MYL2: variants seen among roughly 807,000 people sequenced by gnomAD.
MYL2 encodes the protein myosin light chain 2, also known as myosin regulatory light chain 2, ventricular/cardiac muscle isoform.
Under a neutral mutation model 23.0 loss-of-function variants are expected in MYL2, and 19 were observed. The observed-to-expected ratio is 0.83, with a 90% CI of 0.58 to 1.21. MYL2 has a LOEUF of 1.21. MYL2 is among the 50% of genes most tolerant of loss of function. MYL2 has a pLI of 0.00. For synonymous variants in MYL2, 78 were observed against 76.2 expected (o/e 1.02, Z -0.13); for missense variants, 180 against 215.1 (o/e 0.84, Z 1.02).
At position 110,914,177 on chromosome 12, in the gene MYL2, C is replaced by CAT. The variant is rs572538551; in HGVS notation, c.274+8_274+9insAT. 2.4e-5 allele frequency: 39 copies of CAT among 1,599,588 alleles called. No individual in the cohort carries two copies. The South Asian group carries it at 3.1e-4, about 13-fold the overall frequency. On this transcript the variant is annotated intron_variant, in intron 4 of 6. Coordinates refer to ENST00000228841, the MANE Select transcript of MYL2 (RefSeq NM_000432.4). ...ACACACAGACACACACACACACACACGACCTTACCCTTAAGTTTCTCCCCA... is the reference window on the plus strand; with the variant it reads ...ACACACAGACACACACACACACACACATGACCTTACCCTTAAGTTTCTCCCCA...
Position 110,916,563 on chromosome 12 carries a change from A to G in MYL2, c.94-773T>C, listed in dbSNP as rs75138247. Among the ~76,000 whole-genome samples the G allele has an allele frequency of 1.0e-3, 154 of 152,372 alleles. 1 individual carries two copies. The East Asian group carries it at 0.028, about 28-fold the overall frequency. On this transcript the variant is annotated intron_variant, in intron 2 of 6. Coordinates refer to ENST00000228841, the MANE Select transcript of MYL2 (RefSeq NM_000432.4). ...AAAACATCAGTGAAAGAAGCCAGAC[A>G]CAAATACCACATATTGTATGATTCA...
chr12:110,916,371 A>G (rs1322777408), intron 2 of MYL2, among the ~76,000 whole-genome samples: 1 of 152,188 alleles, frequency 6.6e-6, no homozygotes, highest in African/African-American at 2.4e-5. Context: ...ACCTGAACAC[A>G]AATGTGTATA....
upstream of MYL2, chr12:110,920,685 C>G: frequency 9.5e-7 from 1 of 1,056,524 alleles, no homozygotes; most frequent in Non-Finnish European, 1.4e-6. Flanking sequence ...CCTAAGGCCC[C>G]CCCACCCCAT....
intron 6 of MYL2, among the ~76,000 whole-genome samples, chr12:110,912,080 C>G (rs1482787632): frequency 6.6e-6 from 1 of 152,128 alleles, no homozygotes; most frequent in East Asian, 1.9e-4. Context: ...GCCCTTTTAG[C>G]TGCTTGAATT....
chr12:110,920,114 C>G (rs1432368242), intron 1 of MYL2, among the ~76,000 whole-genome samples: 1 of 152,244 alleles, frequency 6.6e-6, no homozygotes, highest in Non-Finnish European at 1.5e-5. Context: ...CCTAACCCAA[C>G]AGCACAGAAA....
At chr12:110,915,155 G>A (rs554214729) in intron 3 of MYL2, among the ~76,000 whole-genome samples, 126 of 152,322 alleles carry the variant, frequency 8.3e-4, no homozygotes, top group Middle Eastern at 3.4e-3. Context: ...TGTGCAGTGC[G>A]CAGTCTGCAC....
At chr12:110,915,877 G>T in intron 2 of MYL2, 87 bp from the exon 3 acceptor site, 1 of 1,031,370 alleles carries the variant, frequency 9.7e-7, no homozygotes, top group Non-Finnish European at 1.5e-6. Flanking sequence ...GGCAGGAGTG[G>T]ATTCTGGGAT....
At chr12:110,912,198 A>G (rs1292815687) in intron 6 of MYL2, among the ~76,000 whole-genome samples, 1 of 152,202 alleles carries the variant, frequency 6.6e-6, no homozygotes, top group Non-Finnish European at 1.5e-5. Flanking sequence ...ATTAAGGTTC[A>G]CTAATAAGGT....
chr12:110,912,973 AGAC>A (rs1860355763), intron 6 of MYL2, 120 bp downstream of exon 6: 1 of 1,107,456 alleles, frequency 9.0e-7, no homozygotes, highest in South Asian at 1.2e-5. Context: ...AGGCCTCAGA[AGAC>A]GATAGCTGGT....
intron 4 of MYL2, among the ~76,000 whole-genome samples, chr12:110,913,576 T>TGTGGCCTCAGACAAGG (rs1367897156): frequency 1.3e-5 from 2 of 152,226 alleles, no homozygotes; most frequent in Non-Finnish European, 2.9e-5. Flanking sequence ...TTGCTAGCCA[T>TGTGGCCTCAGACAAGG]GTGGCCTCAG....
chr12:110,911,578 C>T (rs563139191), intron 6 of MYL2, among the ~76,000 whole-genome samples: 155 of 152,196 alleles, frequency 1.0e-3, no homozygotes, highest in Non-Finnish European at 1.9e-3. Context: ...CTTTCTTGCC[C>T]TTCCCTGTTC....
rs528265923 is a variant in MYL2, at chr12:110,918,703, C to T, written c.93+401G>A. The T allele has an allele frequency of 1.5e-4, 25 of 166,274 alleles. No homozygotes were observed. The highest frequency in any genetic ancestry group is 2.5e-4 in the Non-Finnish European group (19 of 76,966). 10.3% of individuals were successfully genotyped at this position (166,274 alleles called of 1,614,324 possible). On this transcript the variant is annotated intron_variant, in intron 2 of 6. Coordinates refer to ENST00000228841, the MANE Select transcript of MYL2 (RefSeq NM_000432.4). This position sits in a 1 kb window ranked among gnomAD's most constrained non-coding sequence, Gnocchi z 4.4. ...GAAATGTTAATGGTGAATTTCTCAACGAAAAAAATGCAGGTGTAATCAGTG... is the reference window on the plus strand; with the variant it reads ...GAAATGTTAATGGTGAATTTCTCAATGAAAAAAATGCAGGTGTAATCAGTG...
At chr12:110,915,843 C>T (rs2071684954) in intron 2 of MYL2, 53 bp from the exon 3 acceptor site, 4 of 1,514,418 alleles carry the variant, frequency 2.6e-6, no homozygotes, top group Non-Finnish European at 3.7e-6. Flanking sequence ...GGCAGAGTTG[C>T]CCAAGAGATT....
intron 3 of MYL2, among the ~76,000 whole-genome samples, chr12:110,915,154 C>A (rs76794936): frequency 6.6e-6 from 1 of 152,166 alleles, no homozygotes; most frequent in Non-Finnish European, 1.5e-5. Flanking sequence ...TTGTGCAGTG[C>A]GCAGTCTGCA....
upstream of MYL2, chr12:110,920,654 T>G (rs1057092762): frequency 1.9e-5 from 28 of 1,479,928 alleles, 1 homozygote; most frequent in South Asian, 3.1e-4. Context: ...CTTTTGGCAG[T>G]CATAGGTGAG....
chr12:110,913,648 G>T (rs1025708307), intron 4 of MYL2, among the ~76,000 whole-genome samples: 5 of 152,248 alleles, frequency 3.3e-5, no homozygotes, highest in Admixed American at 3.3e-4. Context: ...TAAGAATAGA[G>T]CATACCTCCT....
Position 110,913,317 on chromosome 12 carries a change from G to T in MYL2, c.282C>A (p.Asp94Glu). 6.2e-7 allele frequency: 1 copy of T among 1,614,204 alleles called. No homozygotes were observed. Among genetic ancestry groups the T allele is most frequent in the Non-Finnish European group, 8.5e-7 (1 of 1,180,038 alleles). ...TMFGEKLKGA[D>E]PEETILNAFK... ...ATGCGTTGAGAATGGTTTCCTCAGG[G>T]TCCGCTCCTGAAACGGAACACAGGG... Residue 94 changes from aspartate (D) to glutamate (E), a missense_variant, in exon 5 of 7, where the codon GAC becomes GAA. Transcript: ENST00000228841.
rs2071684316 is a variant in MYL2 at position 110,915,776 on chromosome 12, C to A, written c.108G>T (p.Met36Ile). 6.2e-7 allele frequency: 1 copy of A among 1,614,036 alleles called. No individual in the cohort carries two copies. The highest frequency in any genetic ancestry group is 1.3e-5 in the African/African-American group (1 of 74,928). ...CAATGAAGCCATCCCTGTTCTGGTC[C>A]ATGATAGTGAAGGCCTGTGGAAGGG... ...IQEFKEAFTI[M>I]DQNRDGFIDK... Residue 36 changes from methionine (M) to isoleucine (I), a missense_variant, in exon 3 of 7, where the codon ATG (methionine) becomes ATT (isoleucine). Met to Ile is a conservative substitution (Grantham distance 10). Transcript: ENST00000228841.
At chr12:110,915,590 A>T in intron 3 of MYL2, 125 bp downstream of exon 3, 1 of 960,454 alleles carries the variant, frequency 1.0e-6, no homozygotes, top group Admixed American at 1.7e-5. Context: ...CTTAAAGACC[A>T]GTTGTGGCAG....
Sources: allele counts gnomAD v4.1 joint callset (sites outside exome capture counted in the v4.1 genomes callset), GRCh38; gene constraint gnomAD v4.1.1; non-coding constraint Gnocchi (gnomAD v3.1); transcripts MANE v1.5; gene names NCBI Gene and HGNC (gene_info 2026-07-23, HGNC 2026-07-21).